Variants in ARMH1 observed in about 807,000 individuals in gnomAD.
ARMH1 encodes armadillo-like helical domain containing protein 1.
ARMH1 carries 34 observed loss-of-function variants against 50.2 expected under a neutral mutation model. The observed-to-expected ratio is 0.68, with a 90% CI of 0.51 to 0.90. ARMH1 has a LOEUF of 0.90. Among genes scored for constraint, ARMH1 ranks in the 40% least tolerant of loss-of-function variants. The pLI is 0.00. For missense variants in ARMH1, 538 were observed against 553.9 expected (o/e 0.97, Z 0.29); for synonymous variants, 221 against 224.2 (o/e 0.99, Z 0.13).
At chr1:44,691,065 C>G (rs1215375532) in intron 2 of ARMH1, among the ~76,000 whole-genome samples, 2 of 151,786 alleles carry the variant, frequency 1.3e-5, no homozygotes, top group Non-Finnish European at 2.9e-5. Context: ...TTTGAGACAG[C>G]CTGGCCAACA....
intron 1 of ARMH1, among the ~76,000 whole-genome samples, chr1:44,680,914 A>C (rs556019380): frequency 6.6e-6 from 1 of 150,842 alleles, no homozygotes; most frequent in Non-Finnish European, 1.5e-5. Context: ...TCCAACCCTA[A>C]TATCATCAGC....
At chr1:44,721,895 C>T (rs150805739) in intron 6 of ARMH1, 56 of 152,218 alleles carry the variant, frequency 3.7e-4, no homozygotes, top group South Asian at 1.2e-3. Context: ...GAAGAGAAAC[C>T]AGAGATCTGC....
At chr1:44,706,287 C>G (rs997798982) in intron 6 of ARMH1, among the ~76,000 whole-genome samples, 1 of 151,978 alleles carries the variant, frequency 6.6e-6, no homozygotes, top group Non-Finnish European at 1.5e-5. Flanking sequence ...GGTACATAGC[C>G]CCAGGAAGAG....
chr1:44,678,204 C>T (rs1645197093), intron 1 of ARMH1, among the ~76,000 whole-genome samples: 1 of 151,980 alleles, frequency 6.6e-6, no homozygotes, highest in Non-Finnish European at 1.5e-5. Context: ...TCGCCAGTTA[C>T]ATGTTGTGGA....
intron 6 of ARMH1, among the ~76,000 whole-genome samples, chr1:44,704,423 G>A (rs868132603): frequency 6.6e-6 from 1 of 152,108 alleles, no homozygotes; most frequent in Admixed American, 6.5e-5. Context: ...CTTATGTGAT[G>A]CTTCCTGGCT....
intron 1 of ARMH1, chr1:44,688,286 G>A (rs1387375006): frequency 2.0e-5 from 3 of 152,308 alleles, no homozygotes; most frequent in Non-Finnish European, 4.4e-5. Context: ...CCTTCTGGAA[G>A]CACGCATCCC....
At chr1:44,692,110 C>G (rs1444388142) in intron 2 of ARMH1, among the ~76,000 whole-genome samples, 1 of 152,142 alleles carries the variant, frequency 6.6e-6, no homozygotes, top group African/African-American at 2.4e-5. Flanking sequence ...CTTCCTTGAC[C>G]CATGCACAGT....
chr1:44,680,716 G>A (rs996303472), intron 1 of ARMH1, among the ~76,000 whole-genome samples: 8 of 152,144 alleles, frequency 5.3e-5, no homozygotes, highest in African/African-American at 2.4e-5. Context: ...TAGTGCCCAC[G>A]GAGAGGGTGG....
intron 1 of ARMH1, among the ~76,000 whole-genome samples, chr1:44,686,146 T>C (rs1645465195): frequency 6.6e-6 from 1 of 152,060 alleles, no homozygotes; most frequent in Non-Finnish European, 1.5e-5. Flanking sequence ...TAAACTATAG[T>C]AGAAAGAGAT....
intron 1 of ARMH1, among the ~76,000 whole-genome samples, chr1:44,685,331 C>T (rs1645434084): frequency 6.7e-6 from 1 of 149,734 alleles, no homozygotes; most frequent in Non-Finnish European, 1.5e-5. Flanking sequence ...TTTTTCGAGA[C>T]AGGGTCTTGC....
Position 44,712,233 on chromosome 1 carries a change from C to T in ARMH1, c.724+8060C>T, listed in dbSNP as rs917105363. Among the ~76,000 whole-genome samples the T allele has an allele frequency of 4.6e-5, 7 of 152,148 alleles. No individual in the cohort carries two copies. The South Asian group carries it at 6.2e-4, about 13-fold the overall frequency. ...CAGAACTTTGGGAATCCAAGGCGGG[C>T]GGATCACCTGAGGCCAGGAGTTCGA... On this transcript the variant is annotated intron_variant, in intron 6 of 11. Transcript: ENST00000535358.
intron 6 of ARMH1, among the ~76,000 whole-genome samples, chr1:44,722,420 G>C (rs1452786387): frequency 5.3e-5 from 8 of 151,996 alleles, no homozygotes; most frequent in Admixed American, 3.3e-4. Flanking sequence ...TTAAAAAAAA[G>C]TCCAGGCGTG....
rs1462008011 is a variant in ARMH1 at position 44,689,914 on chromosome 1, C to T, written c.206+11C>T. The T allele has an allele frequency of 7.1e-6, 11 of 1,547,766 alleles. No homozygotes were observed. The Admixed American group carries it at 1.2e-4, about 17-fold the overall frequency. On this transcript the variant is annotated intron_variant, in intron 2 of 11. Coordinates refer to ENST00000535358, the MANE Select transcript of ARMH1 (RefSeq NM_001145636.2). ...CTCGCTTAGAATCACGTATCCTTTA[C>T]TGAACAGAAAAAAAAAAATTAGGCA...
At chr1:44,678,944 C>G (rs1645221929) in intron 1 of ARMH1, among the ~76,000 whole-genome samples, 2 of 152,118 alleles carry the variant, frequency 1.3e-5, no homozygotes, top group Non-Finnish European at 2.9e-5. Context: ...TTTAGTTTCC[C>G]TGCATGAAGA....
At chr1:44,723,850 G>C (rs568596385) in intron 6 of ARMH1, 3 of 391,578 alleles carry the variant, frequency 7.7e-6, no homozygotes, top group African/African-American at 4.1e-5. Context: ...CCAAGGCGAA[G>C]GCCCCCCTCT....
intron 1 of ARMH1, among the ~76,000 whole-genome samples, chr1:44,675,780 C>T (rs1049953854): frequency 1.3e-4 from 19 of 151,934 alleles, no homozygotes; most frequent in African/African-American, 3.9e-4. Context: ...GCCAACATGG[C>T]GAAACCCCAT....
chr1:44,696,943 C>T (rs1283946617), intron 2 of ARMH1, among the ~76,000 whole-genome samples, 159 bp from the exon 3 acceptor site: 6 of 152,164 alleles, frequency 3.9e-5, no homozygotes, highest in African/African-American at 1.2e-4. Context: ...CCTGTGTGTA[C>T]TGCCACTTCC....
intron 1 of ARMH1, among the ~76,000 whole-genome samples, chr1:44,686,251 A>G (rs1645468686): frequency 6.6e-6 from 1 of 152,240 alleles, no homozygotes; most frequent in South Asian, 2.1e-4. Context: ...GACATTTGGA[A>G]TGAAATAGCC....
intron 5 of ARMH1, among the ~76,000 whole-genome samples, chr1:44,701,894 C>G (rs1015936457): frequency 6.6e-6 from 1 of 151,176 alleles, no homozygotes; most frequent in African/African-American, 2.4e-5. Flanking sequence ...TGCCACTGTA[C>G]TCCCTGGGCA....
Sources: gnomAD v4.1 joint callset for allele counts (sites outside exome capture counted in the v4.1 genomes callset) on GRCh38, gnomAD v4.1.1 for gene constraint, MANE v1.5 for transcripts, NCBI Gene and HGNC (gene_info 2026-07-23, HGNC 2026-07-21) for gene names.